AAK1: variants seen among roughly 807,000 people sequenced by gnomAD.
AAK1 encodes AP2-associated protein kinase 1.
In AAK1, 37 loss-of-function variants were observed where a neutral mutation model predicts 116.0. That is an observed-to-expected ratio of 0.32 (90% CI 0.25 to 0.42). AAK1 has a LOEUF of 0.42. AAK1 is among the 10% of genes least tolerant of loss of function. The probability of loss-of-function intolerance (pLI) is 1.00; values close to 1 mark genes in which losing one functional copy is unlikely to be tolerated. For synonymous variants in AAK1, 458 were observed against 439.9 expected (o/e 1.04, Z -0.51); for missense variants, 919 against 1,170.6 (o/e 0.79, Z 3.14).
Position 69,472,740 on chromosome 2 carries a change from T to C in AAK1, c.*3129A>G. 1.0e-6 allele frequency: 1 copy of C among 985,446 alleles called. No homozygotes were observed. Among genetic ancestry groups the C allele is most frequent in the African/African-American group, 1.7e-5 (1 of 57,376 alleles). The allele number at this position is 985,446 out of a possible 1,614,324, so 61.0% of individuals were successfully genotyped here. A position where few individuals can be genotyped will look rare whatever the true frequency, so the allele number is the denominator to read the frequency against. ...TAAAAGCAAATCAGAAACATATGCT[T>C]ATAGTATTTGCCCGTTTTAAACTGG... On this transcript the variant is annotated 3_prime_UTR_variant, in exon 22 of 22. Coordinates refer to ENST00000409085, the MANE Select transcript of AAK1 (RefSeq NM_014911.5).
chr2:69,614,631 A>G (rs1674239683), intron 2 of AAK1, among the ~76,000 whole-genome samples: 2 of 152,210 alleles, frequency 1.3e-5, no homozygotes, highest in Admixed American at 1.3e-4. Flanking sequence ...TGGTTCCCCC[A>G]AAAGAAAGGT....
At chr2:69,588,545 G>C (rs1422180006) in intron 2 of AAK1, among the ~76,000 whole-genome samples, 2 of 152,150 alleles carry the variant, frequency 1.3e-5, no homozygotes, top group African/African-American at 4.8e-5. Flanking sequence ...CAGAAATCCT[G>C]CCCTCCAAAT....
intron 3 of AAK1, among the ~76,000 whole-genome samples, chr2:69,553,529 C>T (rs987766997): frequency 2.7e-5 from 4 of 148,284 alleles, no homozygotes; most frequent in Admixed American, 1.3e-4. Context: ...CTGTAACCTC[C>T]GCCTTCTGGG....
rs953800433 is a variant in AAK1 at position 69,474,071 on chromosome 2, G to A, written c.*1798C>T. The A allele has an allele frequency of 3.1e-5, 31 of 985,726 alleles. No individual in the cohort carries two copies. Among genetic ancestry groups the A allele is most frequent in the Admixed American group, 1.2e-4 (2 of 16,262 alleles). The allele number at this position is 985,726 out of a possible 1,614,324, so 61.1% of individuals were successfully genotyped here. Reference sequence around the variant, plus strand: ...GGAAGTATTTAAAGACAGAAGGAAGGCTGGAAGATTCAGACTTTTCCTCCA... The same window carrying A: ...GGAAGTATTTAAAGACAGAAGGAAGACTGGAAGATTCAGACTTTTCCTCCA... On this transcript the variant is annotated 3_prime_UTR_variant, in exon 22 of 22. Coordinates refer to ENST00000409085, the MANE Select transcript of AAK1 (RefSeq NM_014911.5).
intron 12 of AAK1, among the ~76,000 whole-genome samples, chr2:69,516,412 T>A (rs1475935577): frequency 1.3e-5 from 2 of 151,902 alleles, no homozygotes; most frequent in Non-Finnish European, 2.9e-5. Flanking sequence ...ATGCCTATTC[T>A]CCAACAAAAC....
chr2:69,541,730 A>T (rs1016869903), intron 5 of AAK1, among the ~76,000 whole-genome samples: 1 of 152,184 alleles, frequency 6.6e-6, no homozygotes, highest in Admixed American at 6.5e-5. Flanking sequence ...TTTTGGCCCA[A>T]GAGATTCAGT....
chr2:69,582,079 C>A (rs918702806), intron 2 of AAK1, among the ~76,000 whole-genome samples: 8 of 151,990 alleles, frequency 5.3e-5, no homozygotes, highest in African/African-American at 1.5e-4. Context: ...AATTCATAAG[C>A]TACTTATTAA....
At position 69,594,909 on chromosome 2, in the gene AAK1, T is replaced by C. The variant is rs12620535; in HGVS notation, c.164-37931A>G. 2.9e-3 allele frequency: 3,887 copies of C among 1,333,148 alleles called. 152 individuals carry two copies. The East Asian group carries it at 0.076, about 26-fold the overall frequency. 82.6% of individuals were successfully genotyped at this position (1,333,148 alleles called of 1,614,324 possible). A position where few individuals can be genotyped will look rare whatever the true frequency, so the allele number is the denominator to read the frequency against. Reference sequence around the variant, plus strand: ...CCTTTTTCCAGAAAATCGGCTTAGTTTGCCCACTACAGCCACTCTGCTTCC... The same window carrying C: ...CCTTTTTCCAGAAAATCGGCTTAGTCTGCCCACTACAGCCACTCTGCTTCC... On this transcript the variant is annotated intron_variant, in intron 2 of 21. Coordinates refer to ENST00000409085, the MANE Select transcript of AAK1 (RefSeq NM_014911.5).
At chr2:69,553,914 G>GAA (rs1343339310) in intron 3 of AAK1, among the ~76,000 whole-genome samples, 2 of 136,866 alleles carry the variant, frequency 1.5e-5, no homozygotes, top group Non-Finnish European at 1.6e-5. Flanking sequence ...TGTCTCTAAG[G>GAA]AAAAAAAAAA....
chr2:69,532,423 A>G lies in AAK1; in HGVS notation c.535-261T>C, dbSNP rs541542437. Among the ~76,000 whole-genome samples the G allele has an allele frequency of 5.9e-5, 9 of 152,096 alleles. No individual in the cohort carries two copies. In the East Asian group the frequency reaches 1.7e-3, roughly 29 times the overall value. On this transcript the variant is annotated intron_variant, in intron 5 of 21. Transcript: ENST00000409085. The stretch of plus-strand genomic sequence containing the variant: ...GGATGCAAGAGTGCCATTTTTGTAA[A>G]TTTCAGCCACATTTCTCACCTCTGC...
intron 2 of AAK1, among the ~76,000 whole-genome samples, chr2:69,576,518 C>T (rs55864699): frequency 0.24 from 36,322 of 151,946 alleles, 5,372 homozygotes; most frequent in East Asian, 0.51. Context: ...CAAGTATACC[C>T]CAGTGTCTGC....
rs189703773 is a variant in AAK1, at chr2:69,472,754, G to T, written c.*3115C>A. 6.1e-6 allele frequency: 6 copies of T among 985,344 alleles called. No homozygotes were observed. The African/African-American group carries it at 1.0e-4, about 17-fold the overall frequency. 61.0% of individuals were successfully genotyped at this position (985,344 alleles called of 1,614,324 possible). On this transcript the variant is annotated 3_prime_UTR_variant, in exon 22 of 22. Coordinates refer to ENST00000409085, the MANE Select transcript of AAK1 (RefSeq NM_014911.5). ...AAACATATGCTTATAGTATTTGCCC[G>T]TTTTAAACTGGTAGATGCCTGATTA...
At position 69,473,530 on chromosome 2, in the gene AAK1, G is replaced by A. The variant is rs571692992; in HGVS notation, c.*2339C>T. The A allele has an allele frequency of 4.2e-5, 41 of 985,284 alleles. No individual in the cohort carries two copies. Among genetic ancestry groups the A allele is most frequent in the Middle Eastern group, 5.2e-4 (1 of 1,914 alleles). The allele number at this position is 985,284 out of a possible 1,614,324, so 61.0% of individuals were successfully genotyped here. On this transcript the variant is annotated 3_prime_UTR_variant, in exon 22 of 22. Coordinates refer to ENST00000409085, the MANE Select transcript of AAK1 (RefSeq NM_014911.5). ...TTATCTCCCTTAGGCTTCTACTGCC[G>A]TCTCTGGCTTCTAGTCTGCTCATTT...
chr2:69,572,076 C>T (rs1672113897), intron 2 of AAK1, among the ~76,000 whole-genome samples: 1 of 152,228 alleles, frequency 6.6e-6, no homozygotes, highest in South Asian at 2.1e-4. Flanking sequence ...CAAGAAGGAC[C>T]AAGGAGCATG....
intron 2 of AAK1, among the ~76,000 whole-genome samples, chr2:69,565,561 C>CA (rs1254803338): frequency 1.3e-5 from 2 of 152,180 alleles, no homozygotes; most frequent in Non-Finnish European, 2.9e-5. Flanking sequence ...AACTGGTGTC[C>CA]CCTCTCAAGC....
chr2:69,630,674 G>A (rs918643960), intron 2 of AAK1, among the ~76,000 whole-genome samples: 2 of 152,108 alleles, frequency 1.3e-5, no homozygotes, highest in Non-Finnish European at 2.9e-5. Context: ...TCCAGCCAAG[G>A]GCTATTTACC....
chr2:69,592,927 C>T (rs375280211), intron 2 of AAK1, among the ~76,000 whole-genome samples: 212 of 152,320 alleles, frequency 1.4e-3, no homozygotes, highest in African/African-American at 4.9e-3. Context: ...TCTTACAGAA[C>T]CAGTGGTTTG....
At chr2:69,486,189 TG>T (rs1675294727) in intron 17 of AAK1, among the ~76,000 whole-genome samples, 1 of 152,080 alleles carries the variant, frequency 6.6e-6, no homozygotes, top group South Asian at 2.1e-4. Context: ...CTTAAGCTCC[TG>T]GCCTCAAGTA....
rs2104875814 is a variant in AAK1 at position 69,472,851 on chromosome 2, G to A, written c.*3018C>T. 2 of 985,684 alleles carry A rather than the reference G, an allele frequency of 2.0e-6. No individual in the cohort carries two copies. Among genetic ancestry groups the A allele is most frequent in the Non-Finnish European group, 2.4e-6 (2 of 829,856 alleles). 61.1% of individuals were successfully genotyped at this position (985,684 alleles called of 1,614,324 possible). ...GGTGTGTGTCCACGCATGTGTTTCT[G>A]TAATACTTAAAAAGGAAAATCTCTA... On this transcript the variant is annotated 3_prime_UTR_variant, in exon 22 of 22. Coordinates refer to ENST00000409085, the MANE Select transcript of AAK1 (RefSeq NM_014911.5).
Sources: gnomAD v4.1 joint callset for allele counts (sites outside exome capture counted in the v4.1 genomes callset) on GRCh38, gnomAD v4.1.1 for gene constraint, MANE v1.5 for transcripts, NCBI Gene and HGNC (gene_info 2026-07-23, HGNC 2026-07-21) for gene names.